APCDD1: variants seen among roughly 807,000 people sequenced by gnomAD.
APCDD1 encodes protein APCDD1.
APCDD1 carries 15 observed loss-of-function variants against 38.1 expected under a neutral mutation model. The observed-to-expected ratio is 0.39, with a 90% CI of 0.26 to 0.61. The LOEUF (loss-of-function observed/expected upper bound fraction) is 0.61, where lower values mean the gene tolerates loss of function less well. Ranked by LOEUF, APCDD1 falls within the 20% of genes least tolerant of loss-of-function variation. APCDD1 has a pLI of 0.49. For synonymous variants in APCDD1, 261 were observed against 279.7 expected, an observed-to-expected ratio of 0.93 and a Z score of 0.67; for missense variants, 647 against 696.2, an observed-to-expected ratio of 0.93 and a Z score of 0.79.
chr18:10,481,230 G>A (rs1426427157), intron 3 of APCDD1, among the ~76,000 whole-genome samples: 1 of 152,194 alleles, frequency 6.6e-6, no homozygotes, highest in Non-Finnish European at 1.5e-5. Context: ...TTAAAAGCAA[G>A]GACTTGAACA....
rs774095743 is a variant in APCDD1 at position 10,472,381 on chromosome 18, A to G, written c.774+320A>G. Among the ~76,000 whole-genome samples, 13 of 152,140 alleles carry G rather than the reference A, an allele frequency of 8.5e-5. No individual in the cohort carries two copies. The highest frequency in any genetic ancestry group is 1.3e-4 in the Non-Finnish European group (9 of 68,032). On this transcript the variant is annotated intron_variant, in intron 3 of 4. Transcript: ENST00000355285. This position sits in a 1 kb window ranked among gnomAD's most constrained non-coding sequence, Gnocchi z 6.6. ...TCCTTTCAGCTCTCCCATCCCAGGAACCTCTTCAGTGATTCCAAGAGGACA... is the reference window on the plus strand; with the variant it reads ...TCCTTTCAGCTCTCCCATCCCAGGAGCCTCTTCAGTGATTCCAAGAGGACA...
chr18:10,483,874 A>C (rs2031192057), intron 3 of APCDD1, among the ~76,000 whole-genome samples: 1 of 152,074 alleles, frequency 6.6e-6, no homozygotes, highest in South Asian at 2.1e-4. Context: ...CCAGCTTTGC[A>C]CCCCCTGGGT....
rs899013216 is a variant in APCDD1, at chr18:10,472,942, G to A, written c.774+881G>A. ...CAGGAGGGGAGTGGGCTTCTGCCCA[G>A]TGCGTAGTGTGAACGTGCAGACCCG... On this transcript the variant is annotated intron_variant, in intron 3 of 4. Coordinates refer to ENST00000355285, the MANE Select transcript of APCDD1 (RefSeq NM_153000.5). The surrounding 1 kb of genome is among the most constrained non-coding windows in gnomAD (Gnocchi z 6.6). Among the ~76,000 whole-genome samples, 4 of 152,152 alleles carry A rather than the reference G, an allele frequency of 2.6e-5. No individual in the cohort carries two copies. Among genetic ancestry groups the A allele is most frequent in the Admixed American group, 6.5e-5 (1 of 15,290 alleles).
At chr18:10,455,912 C>G (rs2030369394) in intron 1 of APCDD1, among the ~76,000 whole-genome samples, 1 of 152,280 alleles carries the variant, frequency 6.6e-6, no homozygotes, top group Non-Finnish European at 1.5e-5. Flanking sequence ...TGTGGATGTC[C>G]TGAGCAAACT....
In APCDD1 at chr18:10,470,718, C is replaced by G. The variant is rs540550393; in HGVS notation, c.243-812C>G. 5.9e-5 allele frequency among the ~76,000 whole-genome samples: 9 copies of G among 152,316 alleles called. No individual in the cohort carries two copies. The South Asian group carries it at 1.0e-3, about 18-fold the overall frequency. ...GGGCTTTAAGTACCTCCCCGTACCC[C>G]CATTGCAGCCTCAGCTAGTATATGT... On this transcript the variant is annotated intron_variant, in intron 2 of 4. Coordinates refer to ENST00000355285, the MANE Select transcript of APCDD1 (RefSeq NM_153000.5). This position sits in a 1 kb window ranked among gnomAD's most constrained non-coding sequence, Gnocchi z 4.1.
chr18:10,479,292 T>G (rs1302316823), intron 3 of APCDD1, among the ~76,000 whole-genome samples: 1 of 152,186 alleles, frequency 6.6e-6, no homozygotes, highest in Admixed American at 6.5e-5. Context: ...CTACTCCCAT[T>G]TTTCCTCCTT....
chr18:10,471,500 A>C lies in APCDD1; in HGVS notation c.243-30A>C. The C allele has an allele frequency of 6.2e-7, 1 of 1,614,060 alleles. No individual in the cohort carries two copies. The highest frequency in any genetic ancestry group is 1.3e-5 in the African/African-American group (1 of 75,026). On this transcript the variant is annotated intron_variant, in intron 2 of 4. Coordinates refer to ENST00000355285, the MANE Select transcript of APCDD1 (RefSeq NM_153000.5). The surrounding 1 kb of genome is among the most constrained non-coding windows in gnomAD (Gnocchi z 5.5). ...TCTTTCCCATACCTTCAGGCTTACA[A>C]AGGTCTCTTCTTCCCCTTTTCTTGC...
Position 10,454,765 on chromosome 18 carries a change from C to A in APCDD1, c.-217C>A, listed in dbSNP as rs2030321352. 1.0e-6 allele frequency: 1 copy of A among 980,436 alleles called. No homozygotes were observed. The highest frequency in any genetic ancestry group is 4.7e-5 in the South Asian group (1 of 21,316). 60.7% of individuals were successfully genotyped at this position (980,436 alleles called of 1,614,324 possible). A position where few individuals can be genotyped will look rare whatever the true frequency, so the allele number is the denominator to read the frequency against. On this transcript the variant is annotated 5_prime_UTR_variant, in exon 1 of 5. Transcript: ENST00000355285. ...GGCGGCAGAGAGGCCGGGACGCGGA[C>A]CGGGCCGGGGCGCCCACAGCCGCCC...
rs1340519982 is a variant in APCDD1, at chr18:10,469,914, G to C, written c.242+1262G>C. ...CAGCCTCACATGAGGCTGCTGGGGA[G>C]GGTAGGCCAGCTCTAAGGCATCTTG... On this transcript the variant is annotated intron_variant, in intron 2 of 4. Coordinates refer to ENST00000355285, the MANE Select transcript of APCDD1 (RefSeq NM_153000.5). The surrounding 1 kb of genome is among the most constrained non-coding windows in gnomAD (Gnocchi z 5.5). Among the ~76,000 whole-genome samples, 1 of 152,210 alleles carries C rather than the reference G, an allele frequency of 6.6e-6. No homozygotes were observed. Among genetic ancestry groups the C allele is most frequent in the Admixed American group, 6.5e-5 (1 of 15,286 alleles).
At position 10,485,432 on chromosome 18, in the gene APCDD1, C is replaced by T; in HGVS notation, c.775-30C>T. 1 of 1,611,864 alleles carries T rather than the reference C, an allele frequency of 6.2e-7. No individual in the cohort carries two copies. On this transcript the variant is annotated intron_variant, in intron 3 of 4. Transcript: ENST00000355285. The surrounding 1 kb of genome is among the most constrained non-coding windows in gnomAD (Gnocchi z 5.8). ...CACTGCTCCCTTGGGAAGATAGAGGCCTCTGAATGTGTTTGTTTCTTGGCT... is the reference window on the plus strand; with the variant it reads ...CACTGCTCCCTTGGGAAGATAGAGGTCTCTGAATGTGTTTGTTTCTTGGCT...
At chr18:10,480,955 T>C (rs1011392687) in intron 3 of APCDD1, among the ~76,000 whole-genome samples, 1 of 145,690 alleles carries the variant, frequency 6.9e-6, no homozygotes, top group Non-Finnish European at 1.5e-5. Context: ...ATAAAAAAAA[T>C]TGGCAAAGAA....
At chr18:10,456,632 G>T (rs1465490752) in intron 1 of APCDD1, among the ~76,000 whole-genome samples, 4 of 152,164 alleles carry the variant, frequency 2.6e-5, no homozygotes, top group Non-Finnish European at 5.9e-5. Flanking sequence ...TGTACACAAG[G>T]TAACTCTGAA....
At chr18:10,486,982 C>T (rs2031262459) in intron 4 of APCDD1, among the ~76,000 whole-genome samples, 1 of 152,202 alleles carries the variant, frequency 6.6e-6, no homozygotes, top group Admixed American at 6.5e-5. Flanking sequence ...GTGTTATACA[C>T]GGAAGTGGCC....
In APCDD1 at chr18:10,455,029, C is replaced by T; in HGVS notation, c.48C>T (p.Leu16=). ...RLLLRYLFPA[L]LLHGLGEGSA... ...TGCTCAGATACCTGTTCCCGGCCCTCCTGCTTCACGGTGAGTTCCCGAGGG... is the reference window on the plus strand; with the variant it reads ...TGCTCAGATACCTGTTCCCGGCCCTTCTGCTTCACGGTGAGTTCCCGAGGG... Residue 16 remains leucine (L), a synonymous_variant, in exon 1 of 5, where the codon CTC becomes CTT. Coordinates refer to ENST00000355285, the MANE Select transcript of APCDD1 (RefSeq NM_153000.5). 3 of 1,565,282 alleles carry T rather than the reference C, an allele frequency of 1.9e-6. No homozygotes were observed. Among genetic ancestry groups the T allele is most frequent in the South Asian group, 1.2e-5 (1 of 85,080 alleles).
rs1598401540 is a variant in APCDD1 at position 10,487,528 on chromosome 18, G to A, written c.1097-62G>A. On this transcript the variant is annotated intron_variant, in intron 4 of 4. Coordinates refer to ENST00000355285, the MANE Select transcript of APCDD1 (RefSeq NM_153000.5). The stretch of plus-strand genomic sequence containing the variant: ...TTAGAGTGTGGCCAGTGTTTTCTGG[G>A]TGGGTTTCTGGATCCCACGCCTACT... 5.2e-6 allele frequency: 8 copies of A among 1,541,752 alleles called. No individual in the cohort carries two copies. The South Asian group carries it at 8.9e-5, about 17-fold the overall frequency.
rs371805137 is a variant in APCDD1 at position 10,488,583 on chromosome 18, G to A, written c.*545G>A. 1.3e-5 allele frequency: 2 copies of A among 151,776 alleles called. No individual in the cohort carries two copies. The highest frequency in any genetic ancestry group is 2.4e-5 in the African/African-American group (1 of 41,130). The allele number at this position is 151,776 out of a possible 1,614,324, so 9.4% of individuals were successfully genotyped here. ...GATATGTATATACAAAAAGATGTAC[G>A]GTCTGGCCAAACCACCTTCCCAGCC... On this transcript the variant is annotated 3_prime_UTR_variant, in exon 5 of 5. Coordinates refer to ENST00000355285, the MANE Select transcript of APCDD1 (RefSeq NM_153000.5).
chr18:10,471,600 G>A lies in APCDD1; in HGVS notation c.313G>A (p.Ala105Thr). Residue 105 changes from alanine to threonine, a missense_variant, in exon 3 of 5, where the codon GCC becomes ACC. Physicochemically the swap from Ala to Thr is moderately conservative, Grantham distance 58. Transcript: ENST00000355285. This position sits in a 1 kb window ranked among gnomAD's most constrained non-coding sequence, Gnocchi z 5.5. ...ATTCTACCACAATAACACCTTCAAG[G>A]CCTACCAATTTTATTATGGCAGCAA... ...YRFYHNNTFKAYQFYYGSNRC... is the reference protein window; with the variant it reads ...YRFYHNNTFKTYQFYYGSNRC... 6.2e-7 allele frequency: 1 copy of A among 1,614,072 alleles called. No individual in the cohort carries two copies. Among genetic ancestry groups the A allele is most frequent in the Non-Finnish European group, 8.5e-7 (1 of 1,180,022 alleles).
At chr18:10,482,495 T>G (rs1355038220) in intron 3 of APCDD1, among the ~76,000 whole-genome samples, 2 of 152,216 alleles carry the variant, frequency 1.3e-5, no homozygotes, top group Non-Finnish European at 2.9e-5. Context: ...CTTGTTACCC[T>G]GATGGTACGA....
chr18:10,460,939 T>C (rs1017205452), intron 1 of APCDD1, among the ~76,000 whole-genome samples: 10 of 152,200 alleles, frequency 6.6e-5, no homozygotes, highest in African/African-American at 2.4e-4. Flanking sequence ...ATGTGAACAG[T>C]TAACCTGACA....
Sources: allele counts gnomAD v4.1 joint callset (sites outside exome capture counted in the v4.1 genomes callset), GRCh38; gene constraint gnomAD v4.1.1; non-coding constraint Gnocchi (gnomAD v3.1); transcripts MANE v1.5; gene names NCBI Gene and HGNC (gene_info 2026-07-23, HGNC 2026-07-21).